The following PDE11A variants were observed in gnomAD, a reference collection of about 807,000 sequenced individuals.
The protein encoded by PDE11A is phosphodiesterase 11A.
A neutral mutation model predicts 100.5 loss-of-function variants in PDE11A; 100 were observed. That is an observed-to-expected ratio of 1.00 (90% confidence interval 0.85 to 1.18). The LOEUF is 1.18. Ranked by LOEUF, PDE11A falls within the 50% of genes most tolerant of loss-of-function variation. The probability of loss-of-function intolerance (pLI) is 0.00; values close to 1 mark genes in which losing one functional copy is unlikely to be tolerated. For synonymous variants in PDE11A, 381 were observed against 420.8 expected (o/e 0.91, Z 1.16); for missense variants, 1,141 against 1,152.6 (o/e 0.99, Z 0.15).
intron 19 of PDE11A, among the ~76,000 whole-genome samples, chr2:177,634,521 C>T (rs150073777): frequency 0.066 from 9,986 of 151,680 alleles, 925 homozygotes; most frequent in African/African-American, 0.21. Flanking sequence ...CCGAGCAGCT[C>T]GGACTACAGG....
intron 2 of PDE11A, among the ~76,000 whole-genome samples, chr2:177,986,012 G>A (rs1208588429): frequency 2.0e-5 from 3 of 152,246 alleles, no homozygotes; most frequent in African/African-American, 7.2e-5. Context: ...AGGCAAAAAG[G>A]ATCCTTTTGC....
At chr2:177,708,924 G>T (rs556845256) in intron 13 of PDE11A, among the ~76,000 whole-genome samples, 1 of 152,318 alleles carries the variant, frequency 6.6e-6, no homozygotes, top group South Asian at 2.1e-4. Context: ...TGACCATGGG[G>T]GTACATTAGG....
chr2:177,778,864 G>C (rs930896720), intron 9 of PDE11A, among the ~76,000 whole-genome samples: 2 of 152,064 alleles, frequency 1.3e-5, no homozygotes, highest in Non-Finnish European at 2.9e-5. Context: ...TGTTCAAAAG[G>C]TACTTCAGAT....
rs1200773895 is a variant in PDE11A at position 177,922,869 on chromosome 2, T to C, written c.1072-17682A>G. On this transcript the variant is annotated intron_variant, in intron 2 of 19. Transcript: ENST00000286063. ...AGTCACAATAGATTATCCATGCCCATGTACAACTAAGTTGTATACCTCTGT... is the reference window on the plus strand; with the variant it reads ...AGTCACAATAGATTATCCATGCCCACGTACAACTAAGTTGTATACCTCTGT... 7.2e-6 allele frequency: 7 copies of C among 972,486 alleles called. No homozygotes were observed. The East Asian group carries it at 3.4e-4, about 48-fold the overall frequency. The allele number at this position is 972,486 out of a possible 1,614,324, so 60.2% of individuals were successfully genotyped here.
chr2:177,934,787 T>C (rs1201509424), intron 2 of PDE11A, among the ~76,000 whole-genome samples: 2 of 152,230 alleles, frequency 1.3e-5, no homozygotes, highest in Non-Finnish European at 2.9e-5. Context: ...ATATACACCA[T>C]GGACTACCAT....
chr2:177,724,913 C>A (rs529890500), intron 12 of PDE11A, among the ~76,000 whole-genome samples: 7 of 152,158 alleles, frequency 4.6e-5, no homozygotes, highest in African/African-American at 1.7e-4. Context: ...TATGACATGA[C>A]CCAGGTTGAA....
intron 6 of PDE11A, 142 bp from the exon 7 acceptor site, chr2:177,820,437 T>C: frequency 1.6e-6 from 1 of 629,394 alleles, no homozygotes; most frequent in Non-Finnish European, 2.9e-6. Flanking sequence ...TTGTAATGCA[T>C]AAACTCACTC....
chr2:177,749,430 T>C (rs1159808760), intron 10 of PDE11A, among the ~76,000 whole-genome samples: 1 of 152,200 alleles, frequency 6.6e-6, no homozygotes, highest in Non-Finnish European at 1.5e-5. Flanking sequence ...TTGTCCTTTT[T>C]TATACTTTCT....
intron 2 of PDE11A, among the ~76,000 whole-genome samples, chr2:177,950,707 C>A: frequency 6.6e-6 from 1 of 152,162 alleles, no homozygotes; most frequent in Non-Finnish European, 1.5e-5. Flanking sequence ...GTCAGGAGAT[C>A]GAGACCATCC....
intron 2 of PDE11A, among the ~76,000 whole-genome samples, chr2:177,996,584 T>C (rs1427118682): frequency 1.3e-5 from 2 of 152,012 alleles, no homozygotes; most frequent in Non-Finnish European, 2.9e-5. Context: ...TGTATCATAA[T>C]ATATGGAAAA....
upstream of PDE11A, among the ~76,000 whole-genome samples, chr2:178,075,429 G>A (rs2087195088): frequency 6.6e-6 from 1 of 151,678 alleles, no homozygotes; most frequent in Non-Finnish European, 1.5e-5. Context: ...GCATGCACCT[G>A]TAATCCCAGC....
At chr2:177,992,472 T>TGGG (rs2086016295) in intron 2 of PDE11A, among the ~76,000 whole-genome samples, 1 of 143,678 alleles carries the variant, frequency 7.0e-6, no homozygotes, top group Admixed American at 7.1e-5. Flanking sequence ...ATTTCTACCA[T>TGGG]TCATGCTATT....
intron 2 of PDE11A, among the ~76,000 whole-genome samples, chr2:177,988,343 A>G (rs558146429): frequency 1.3e-5 from 2 of 152,226 alleles, no homozygotes; most frequent in Non-Finnish European, 2.9e-5. Flanking sequence ...AGTACATGCT[A>G]TCATCACCCA....
chr2:177,697,138 C>T (rs2081124276), intron 15 of PDE11A, among the ~76,000 whole-genome samples, 194 bp downstream of exon 15: 1 of 152,086 alleles, frequency 6.6e-6, no homozygotes, highest in African/African-American at 2.4e-5. Context: ...TGACTGTAGT[C>T]CTGACTCTCT....
At chr2:177,827,089 T>G (rs1397243325) in intron 6 of PDE11A, among the ~76,000 whole-genome samples, 2 of 152,202 alleles carry the variant, frequency 1.3e-5, no homozygotes, top group Non-Finnish European at 2.9e-5. Context: ...CACAAAGATC[T>G]GGCAGGCAAA....
At chr2:177,791,115 T>C (rs1256186186) in intron 9 of PDE11A, among the ~76,000 whole-genome samples, 1 of 152,112 alleles carries the variant, frequency 6.6e-6, no homozygotes, top group African/African-American at 2.4e-5. Flanking sequence ...CTATTCACAA[T>C]AGCAAAGACT....
At chr2:177,950,418 T>A (rs1190855658) in intron 2 of PDE11A, among the ~76,000 whole-genome samples, 1 of 152,194 alleles carries the variant, frequency 6.6e-6, no homozygotes, top group African/African-American at 2.4e-5. Flanking sequence ...TGCTTTAGTC[T>A]TCATCCTCAA....
intron 2 of PDE11A, among the ~76,000 whole-genome samples, chr2:178,006,201 A>G (rs898209105): frequency 4.6e-5 from 7 of 152,198 alleles, no homozygotes; most frequent in African/African-American, 1.7e-4. Flanking sequence ...TTCAACTGCA[A>G]TCTTTTGGGG....
chr2:177,853,680 A>ATATATATG (rs2083766252), intron 5 of PDE11A, among the ~76,000 whole-genome samples: 1 of 36,508 alleles, frequency 2.7e-5, no homozygotes, highest in African/African-American at 9.2e-5. Flanking sequence ...ATATATATAT[A>ATATATATG]TGTGTGTGTG....
Sources: allele counts gnomAD v4.1 joint callset (sites outside exome capture counted in the v4.1 genomes callset), GRCh38; gene constraint gnomAD v4.1.1; transcripts MANE v1.5; gene names NCBI Gene and HGNC (gene_info 2026-07-23, HGNC 2026-07-21).